STXBP5L: variants seen among roughly 807,000 people sequenced by gnomAD.
STXBP5L encodes the protein syntaxin-binding protein 5-like.
In STXBP5L, 65 loss-of-function variants were observed where a neutral mutation model predicts 144.5. The ratio of observed to expected loss-of-function variants is 0.45; its 90% CI spans 0.37 to 0.55. The LOEUF (loss-of-function observed/expected upper bound fraction) is 0.55, where lower values mean the gene tolerates loss of function less well. Among genes scored for constraint, STXBP5L ranks in the 20% least tolerant of loss-of-function variants. STXBP5L has a pLI of 0.00. For missense variants in STXBP5L, 1,298 were observed against 1,405.5 expected, an observed-to-expected ratio of 0.92 and a Z score of 1.22; for synonymous variants, 505 against 469.6, an observed-to-expected ratio of 1.08 and a Z score of -0.97.
At chr3:121,268,645 T>C (rs1366936780) in intron 18 of STXBP5L, among the ~76,000 whole-genome samples, 1 of 152,172 alleles carries the variant, frequency 6.6e-6, no homozygotes, top group Non-Finnish European at 1.5e-5. Flanking sequence ...TTTCATCTAA[T>C]GAATGCAAAC....
chr3:121,186,417 A>C (rs1397288746), intron 9 of STXBP5L, among the ~76,000 whole-genome samples: 1 of 151,798 alleles, frequency 6.6e-6, no homozygotes, highest in Non-Finnish European at 1.5e-5. Flanking sequence ...CATTCAGTAT[A>C]TTGACTGTGG....
In STXBP5L at chr3:121,035,504, G is replaced by A. The variant is rs906248101; in HGVS notation, c.288-6196G>A. Among the ~76,000 whole-genome samples the A allele has an allele frequency of 3.3e-5, 5 of 151,992 alleles. No individual in the cohort carries two copies. The East Asian group carries it at 7.7e-4, about 23-fold the overall frequency. On this transcript the variant is annotated intron_variant, in intron 3 of 26. Transcript: ENST00000471454. ...TGTATGTTTTCATTGACTTTATTAA[G>A]TATCAGTTGGGTGTAGATATGTGGC...
chr3:121,186,832 A>G (rs934136045), intron 9 of STXBP5L, among the ~76,000 whole-genome samples: 1 of 152,224 alleles, frequency 6.6e-6, no homozygotes, highest in South Asian at 2.1e-4. Flanking sequence ...ATCACTGGCC[A>G]TCAGGGAAAT....
intron 9 of STXBP5L, among the ~76,000 whole-genome samples, chr3:121,174,418 A>G (rs2046851556): frequency 6.6e-6 from 1 of 152,038 alleles, no homozygotes; most frequent in African/African-American, 2.4e-5. Flanking sequence ...AGATTGTCTT[A>G]AATCTCCAAA....
At chr3:121,298,616 G>A (rs981658515) in intron 19 of STXBP5L, among the ~76,000 whole-genome samples, 3 of 152,120 alleles carry the variant, frequency 2.0e-5, no homozygotes, top group Admixed American at 2.0e-4. Flanking sequence ...ACAACATGAT[G>A]AGCCTTCAGG....
chr3:121,301,386 C>T (rs1230214954), intron 19 of STXBP5L, among the ~76,000 whole-genome samples: 28 of 152,064 alleles, frequency 1.8e-4, no homozygotes, highest in Admixed American at 1.8e-3. Context: ...GATTTTTGCA[C>T]GTTGATTTTG....
intron 5 of STXBP5L, among the ~76,000 whole-genome samples, chr3:121,061,245 G>T (rs1236227431): frequency 6.6e-6 from 1 of 152,190 alleles, no homozygotes; most frequent in African/African-American, 2.4e-5. Context: ...TAGTCACTCA[G>T]GAGCATGTTG....
intron 3 of STXBP5L, among the ~76,000 whole-genome samples, chr3:121,038,144 T>G (rs896511625): frequency 1.4e-4 from 22 of 151,944 alleles, no homozygotes; most frequent in African/African-American, 5.3e-4. Flanking sequence ...TTTATTGATT[T>G]ATCTGATCAT....
At chr3:121,208,906 C>T (rs1263417876) in intron 10 of STXBP5L, among the ~76,000 whole-genome samples, 1 of 152,098 alleles carries the variant, frequency 6.6e-6, no homozygotes, top group Non-Finnish European at 1.5e-5. Flanking sequence ...CTATCCCTCC[C>T]CTAGCCTCCC....
intron 5 of STXBP5L, among the ~76,000 whole-genome samples, chr3:121,097,680 A>G (rs1256513068): frequency 6.6e-6 from 1 of 152,138 alleles, no homozygotes; most frequent in Non-Finnish European, 1.5e-5. Context: ...TGAACCGGGT[A>G]CCTCAGTTGG....
At position 121,347,865 on chromosome 3, in the gene STXBP5L, G is replaced by A. The variant is rs186355261; in HGVS notation, c.2176+29325G>A. Among the ~76,000 whole-genome samples, 200 of 152,186 alleles carry A rather than the reference G, an allele frequency of 1.3e-3. 2 individuals carry two copies. The highest frequency in any genetic ancestry group is 4.3e-3 in the African/African-American group (179 of 41,528). On this transcript the variant is annotated intron_variant, in intron 20 of 26. Coordinates refer to ENST00000471454, the MANE Select transcript of STXBP5L (RefSeq NM_001308330.2). ...GCTTAAGGAGATTTTGGGTTGAGAC[G>A]ATGGGGTTTTCTAGATATACAGTCA...
chr3:121,092,445 A>C (rs1055663012), intron 5 of STXBP5L, among the ~76,000 whole-genome samples: 1 of 152,030 alleles, frequency 6.6e-6, no homozygotes, highest in Non-Finnish European at 1.5e-5. Flanking sequence ...CTTTAAGTTC[A>C]TTGAGCAGTG....
intron 23 of STXBP5L, among the ~76,000 whole-genome samples, chr3:121,408,710 CCTT>C (rs1248977938): frequency 3.9e-5 from 6 of 151,974 alleles, no homozygotes; most frequent in Admixed American, 1.3e-4. Flanking sequence ...AGGTAATTAA[CCTT>C]CTCTAGCCAT....
chr3:121,238,976 C>T lies in STXBP5L; in HGVS notation c.1190C>T (p.Pro397Leu). Residue 397 changes from proline to leucine, a missense_variant, in exon 13 of 27, where the codon CCA (proline) becomes CTA (leucine). Pro to Leu is a moderately conservative substitution (Grantham distance 98, BLOSUM62 -3). Transcript: ENST00000471454. Reference sequence around the variant, plus strand: ...ATATTGTCTTTATCTATTAGTTTTCCAATCTTTGAAAATCCATATCCCATG... The same window carrying T: ...ATATTGTCTTTATCTATTAGTTTTCTAATCTTTGAAAATCCATATCCCATG... ...IVVDLTQSNFPIFENPYPMDI... is the reference protein window; with the variant it reads ...IVVDLTQSNFLIFENPYPMDI... 1 of 1,585,260 alleles carries T rather than the reference C, an allele frequency of 6.3e-7. No individual in the cohort carries two copies.
At chr3:121,187,889 C>T (rs1055152289) in intron 9 of STXBP5L, among the ~76,000 whole-genome samples, 2 of 151,770 alleles carry the variant, frequency 1.3e-5, no homozygotes, top group Non-Finnish European at 2.9e-5. Flanking sequence ...GCAGCGGTTG[C>T]AATCCTACTC....
chr3:121,066,389 G>C (rs2041546393), intron 5 of STXBP5L, among the ~76,000 whole-genome samples: 1 of 147,200 alleles, frequency 6.8e-6, no homozygotes. Context: ...TACGCTTATA[G>C]GAAATATATA....
intron 5 of STXBP5L, among the ~76,000 whole-genome samples, chr3:121,067,745 C>T (rs999052249): frequency 2.0e-5 from 3 of 152,086 alleles, no homozygotes; most frequent in African/African-American, 7.2e-5. Flanking sequence ...TAGAATTTCT[C>T]TTTTTAGTAG....
At chr3:121,350,003 G>A (rs2045202699) in intron 20 of STXBP5L, among the ~76,000 whole-genome samples, 1 of 152,102 alleles carries the variant, frequency 6.6e-6, no homozygotes. Flanking sequence ...CTGTCATTGT[G>A]ATGTTAGCTG....
chr3:121,016,970 C>T (rs1945188575), intron 3 of STXBP5L, among the ~76,000 whole-genome samples: 1 of 152,094 alleles, frequency 6.6e-6, no homozygotes, highest in African/African-American at 2.4e-5. Context: ...CAAATCCAGA[C>T]AAAGACATTA....
Sources: gnomAD v4.1 joint callset for allele counts (sites outside exome capture counted in the v4.1 genomes callset) on GRCh38, gnomAD v4.1.1 for gene constraint, MANE v1.5 for transcripts, NCBI Gene and HGNC (gene_info 2026-07-23, HGNC 2026-07-21) for gene names.